The following RELB variants were observed in gnomAD, a reference collection of about 807,000 sequenced individuals.
The protein encoded by RELB is transcription factor RelB.
RELB carries 14 observed loss-of-function variants against 55.4 expected under a neutral mutation model. That is an observed-to-expected ratio of 0.25 (90% CI 0.17 to 0.40). The LOEUF is 0.40. Among genes scored for constraint, RELB ranks in the 10% least tolerant of loss-of-function variants. The pLI is 1.00. For synonymous variants in RELB, 409 were observed against 371.3 expected (o/e 1.10, Z -1.17); for missense variants, 669 against 830.7 (o/e 0.81, Z 2.39).
In RELB at chr19:45,011,797, TGAGAGAGAGAGAGAGAGAGA is replaced by T. The variant is rs58500013; in HGVS notation, c.164-120_164-101del. On this transcript the variant is annotated intron_variant, in intron 3 of 11. Transcript: ENST00000221452. ...GTGTGTGTGTGTGTGTGTGTGTGTG[TGAGAGAGAGAGAGAGAGAGA>T]GAGAGAGAGAGAGAGAGATAAATGG... is the stretch of plus-strand genomic sequence containing the variant. 8.4e-3 allele frequency: 588 copies of T among 69,760 alleles called. 5 individuals carry two copies. Among genetic ancestry groups the T allele is most frequent in the African/African-American group, 0.024 (275 of 11,410 alleles). The allele number at this position is 69,760 out of a possible 1,614,324, so 4.3% of individuals were successfully genotyped here.
In RELB at chr19:45,037,855, C is replaced by T; in HGVS notation, c.*65C>T. ...GGTGGAGGAGCCGTGCAATCCCAACCAGGATGTCTAGCACCCCCATCCCCT... is the reference window on the plus strand; with the variant it reads ...GGTGGAGGAGCCGTGCAATCCCAACTAGGATGTCTAGCACCCCCATCCCCT... On this transcript the variant is annotated 3_prime_UTR_variant, in exon 12 of 12. Transcript: ENST00000221452. The T allele has an allele frequency of 7.0e-7, 1 of 1,423,514 alleles. No individual in the cohort carries two copies. The highest frequency in any genetic ancestry group is 9.2e-7 in the Non-Finnish European group (1 of 1,082,668). 88.2% of individuals were successfully genotyped at this position (1,423,514 alleles called of 1,614,324 possible).
chr19:45,029,811 C>T (rs1181054554), intron 8 of RELB, among the ~76,000 whole-genome samples: 4 of 151,866 alleles, frequency 2.6e-5, no homozygotes, highest in Admixed American at 6.6e-5. Context: ...GATCACGCCT[C>T]TGCACTCCAG....
chr19:45,021,220 T>C (rs949080239), intron 4 of RELB, among the ~76,000 whole-genome samples: 1 of 151,726 alleles, frequency 6.6e-6, no homozygotes, highest in Non-Finnish European at 1.5e-5. Flanking sequence ...ACGCCTGTAA[T>C]CCCAGCACTT....
chr19:45,004,655 G>A (rs1971261076), intron 2 of RELB, among the ~76,000 whole-genome samples: 1 of 151,048 alleles, frequency 6.6e-6, no homozygotes, highest in African/African-American at 2.4e-5. Flanking sequence ...ATCACCTGAG[G>A]TCGGGAGTTC....
At chr19:45,034,655 G>T in intron 11 of RELB, 127 bp downstream of exon 11, 2 of 710,020 alleles carry the variant, frequency 2.8e-6, no homozygotes, top group Non-Finnish European at 4.7e-6. Context: ...CACTTAGCCA[G>T]CAACATAGAG....
At chr19:45,006,545 C>T (rs1033259695) in intron 2 of RELB, among the ~76,000 whole-genome samples, 1 of 151,856 alleles carries the variant, frequency 6.6e-6, no homozygotes, top group African/African-American at 2.4e-5. Flanking sequence ...ATATGCTGGA[C>T]CCTGGGGATA....
intron 7 of RELB, among the ~76,000 whole-genome samples, chr19:45,028,662 C>T (rs1971585711): frequency 1.3e-5 from 2 of 152,170 alleles, no homozygotes; most frequent in African/African-American, 4.8e-5. Flanking sequence ...CAGACACTCA[C>T]CGGGCTTCAG....
chr19:45,012,512 G>C (rs1971374461), intron 4 of RELB, among the ~76,000 whole-genome samples: 1 of 152,164 alleles, frequency 6.6e-6, no homozygotes, highest in Admixed American at 6.6e-5. Context: ...GGGAGTCTGA[G>C]GCGGGCGGAT....
Position 45,002,977 on chromosome 19 carries a change from C to T in RELB, c.135C>T (p.Leu45=), listed in dbSNP as rs777676760. The change falls in exon 2 of 12, where the codon CTC becomes CTT. Residue 45 remains leucine, a synonymous_variant. Coordinates refer to ENST00000221452, the MANE Select transcript of RELB (RefSeq NM_006509.4). The part of the protein sequence containing the change: ...LGSPDLSSLS[L]AVSRSTDELE... ...CCCCCGACCTCTCCTCACTCTCGCT[C>T]GCCGTTTCCAGGAGCACAGGTGAGC... 2 of 1,613,352 alleles carry T rather than the reference C, an allele frequency of 1.2e-6. No individual in the cohort carries two copies. Among genetic ancestry groups the T allele is most frequent in the Non-Finnish European group, 1.7e-6 (2 of 1,179,770 alleles).
intron 4 of RELB, among the ~76,000 whole-genome samples, chr19:45,019,423 C>G (rs539001771): frequency 6.6e-6 from 1 of 152,208 alleles, no homozygotes; most frequent in Admixed American, 6.6e-5. Context: ...TGCTACTTCA[C>G]CCCTAATTCC....
At chr19:45,033,355 C>T (rs1971647822) in intron 9 of RELB, among the ~76,000 whole-genome samples, 2 of 151,996 alleles carry the variant, frequency 1.3e-5, no homozygotes, top group African/African-American at 2.4e-5. Flanking sequence ...GTCCTGAGGC[C>T]GGATTGTGCC....
chr19:45,015,538 C>T (rs1466490315), intron 4 of RELB, among the ~76,000 whole-genome samples: 1 of 151,698 alleles, frequency 6.6e-6, no homozygotes, highest in African/African-American at 2.4e-5. Context: ...AGTTCAAGAC[C>T]AGCCCAGGTG....
chr19:45,006,251 C>T (rs1971280669), intron 2 of RELB, among the ~76,000 whole-genome samples: 1 of 152,162 alleles, frequency 6.6e-6, no homozygotes, highest in South Asian at 2.1e-4. Context: ...GTCGCCTACA[C>T]TGGAGTGCGG....
At chr19:45,007,938 T>A (rs999671750) in intron 2 of RELB, among the ~76,000 whole-genome samples, 4 of 138,930 alleles carry the variant, frequency 2.9e-5, no homozygotes, top group African/African-American at 1.1e-4. Context: ...GCGCGGATCA[T>A]GAGGTCAGGA....
intron 7 of RELB, among the ~76,000 whole-genome samples, chr19:45,027,505 CT>C (rs1193071201): frequency 2.6e-5 from 4 of 152,264 alleles, no homozygotes; most frequent in Admixed American, 1.3e-4. Flanking sequence ...TACCTAATAG[CT>C]TTGCTTAAAG....
Position 45,034,284 on chromosome 19 carries a change from C to G in RELB, c.1248C>G (p.Pro416=), listed in dbSNP as rs368632431. Residue 416 remains proline, a synonymous_variant, in exon 10 of 12, where the codon CCC becomes CCG. Coordinates refer to ENST00000221452, the MANE Select transcript of RELB (RefSeq NM_006509.4). ...GVDKKRKRGM[P]DVLGELNSSD... is the part of the protein sequence containing the mutation. ...ACAAGAAGCGGAAACGGGGGATGCC[C>G]GACGTCCTTGGGGAGCTGAACAGCT... is the stretch of plus-strand genomic sequence containing the variant. 1 of 1,613,998 alleles carries G rather than the reference C, an allele frequency of 6.2e-7. No homozygotes were observed. Among genetic ancestry groups the G allele is most frequent in the South Asian group, 1.1e-5 (1 of 91,078 alleles).
At position 45,035,975 on chromosome 19, in the gene RELB, G is replaced by A. The variant is rs149393364; in HGVS notation, c.1355-1430G>A. Among the ~76,000 whole-genome samples the A allele has an allele frequency of 3.3e-5, 5 of 152,340 alleles. No homozygotes were observed. The East Asian group carries it at 7.7e-4, about 23-fold the overall frequency. On this transcript the variant is annotated intron_variant, in intron 11 of 11. Coordinates refer to ENST00000221452, the MANE Select transcript of RELB (RefSeq NM_006509.4). ...TTGTAGCTCCAGCCATTACGCCCACGTTCCAGTTAGCAGACCTTAGTCACA... is the reference window on the plus strand; with the variant it reads ...TTGTAGCTCCAGCCATTACGCCCACATTCCAGTTAGCAGACCTTAGTCACA...
intron 4 of RELB, among the ~76,000 whole-genome samples, chr19:45,020,316 C>T (rs1971468314): frequency 6.6e-6 from 1 of 151,150 alleles, no homozygotes. Flanking sequence ...TTCCACGTCT[C>T]AGGCTTAAGT....
chr19:45,034,407 A>T, intron 10 of RELB, 44 bp from the exon 11 acceptor site: 1 of 1,609,676 alleles, frequency 6.2e-7, no homozygotes, highest in Non-Finnish European at 8.5e-7. Flanking sequence ...CTGGGGAGGA[A>T]GGGCTGTCGG....
Sources: gnomAD v4.1 joint callset for allele counts (sites outside exome capture counted in the v4.1 genomes callset) on GRCh38, gnomAD v4.1.1 for gene constraint, MANE v1.5 for transcripts, NCBI Gene and HGNC (gene_info 2026-07-23, HGNC 2026-07-21) for gene names.